Variants in GIN1 observed in about 807,000 individuals in gnomAD.
GIN1 encodes gypsy retrotransposon integrase 1.
Under a neutral mutation model 51.4 loss-of-function variants are expected in GIN1, and 41 were observed. The ratio of observed to expected loss-of-function variants is 0.80; its 90% CI spans 0.62 to 1.04. The LOEUF (loss-of-function observed/expected upper bound fraction) is 1.04. Among genes scored for constraint, GIN1 ranks in the 50% least tolerant of loss-of-function variants. The probability of loss-of-function intolerance (pLI) is 0.00; values close to 1 mark genes in which losing one functional copy is unlikely to be tolerated. For synonymous variants in GIN1, 222 were observed against 206.5 expected, an observed-to-expected ratio of 1.07 and a Z score of -0.64; for missense variants, 610 against 612.4, an observed-to-expected ratio of 1.00 and a Z score of 0.04.
At chr5:103,091,455 A>C (rs1554194523) in intron 7 of GIN1, among the ~76,000 whole-genome samples, 1 of 152,216 alleles carries the variant, frequency 6.6e-6, no homozygotes, top group Non-Finnish European at 1.5e-5. Flanking sequence ...TATCATATTA[A>C]AGGTCTTTTC....
At chr5:103,108,234 A>T (rs40508) in intron 2 of GIN1, among the ~76,000 whole-genome samples, 37,062 of 151,956 alleles carry the variant, frequency 0.24, 5,150 homozygotes, top group East Asian at 0.45. Context: ...ATTAAGCATC[A>T]AAAAAGTTCC....
chr5:103,087,313 A>G lies in GIN1; in HGVS notation c.*585T>C, dbSNP rs957792374. ...TTTAATATATAGTATGAAAATAAAC[A>G]AATTGTTTCCCAACCAATACATAGT... On this transcript the variant is annotated 3_prime_UTR_variant, in exon 8 of 8. Transcript: ENST00000399004. 2.6e-4 allele frequency: 40 copies of G among 152,216 alleles called. No individual in the cohort carries two copies. The highest frequency in any genetic ancestry group is 8.8e-5 in the Non-Finnish European group (6 of 68,040). The allele number at this position is 152,216 out of a possible 1,614,324, so 9.4% of individuals were successfully genotyped here.
At chr5:103,119,581 C>A (rs1554198144) in intron 1 of GIN1, among the ~76,000 whole-genome samples, 1 of 152,144 alleles carries the variant, frequency 6.6e-6, no homozygotes, top group African/African-American at 2.4e-5. Flanking sequence ...AACTACGTGA[C>A]AGGATTCCCT....
rs931284268 is a variant in GIN1, at chr5:103,097,324, G to A, written c.998C>T (p.Ser333Leu). ...ADKIMENKTT[S>L]LGQMENNNLD... ...ATTGAATAGAATCACCTGGCCCAGT[G>A]AAGTTGTCTTATTCTCCATTATTTT... Residue 333 changes from serine to leucine, a missense_variant, in exon 6 of 8, where the codon TCA (serine) becomes TTA (leucine). Coordinates refer to ENST00000399004, the MANE Select transcript of GIN1 (RefSeq NM_017676.2). 2.5e-6 allele frequency: 4 copies of A among 1,582,928 alleles called. No individual in the cohort carries two copies. The highest frequency in any genetic ancestry group is 2.7e-5 in the African/African-American group (2 of 74,168).
chr5:103,106,856 CA>C lies in GIN1; in HGVS notation c.192del (p.Ile64MetfsTer11). On this transcript the variant is annotated frameshift_variant, in exon 3 of 8. Transcript: ENST00000399004. LOFTEE classifies it high-confidence loss of function. ...ACTTTCTTTTTTTCCTCTTCTGAAACAATTACCAAACGATTTTGTTTTCTGT... is the reference window on the plus strand; with the variant it reads ...ACTTTCTTTTTTTCCTCTTCTGAAACATTACCAAACGATTTTGTTTTCTGT... ...GKDRKQNRLV[I>X]VSEEEKKKVL... 1.9e-6 allele frequency: 3 copies of C among 1,595,154 alleles called. No individual in the cohort carries two copies.
chr5:103,087,977 A>G lies in GIN1; in HGVS notation c.1490T>C (p.Ile497Thr), dbSNP rs1554194103. 6.3e-7 allele frequency: 1 copy of G among 1,595,296 alleles called. No homozygotes were observed. The highest frequency in any genetic ancestry group is 2.2e-5 in the East Asian group (1 of 44,640). ...CTTTTCAAGAGAACTATGATCGTCT[A>G]TCAATGGAGAGATTTTCGTATTTCT... ...EYRNTKISPLIDDHSSLEKQT... is the reference protein window; with the variant it reads ...EYRNTKISPLTDDHSSLEKQT... Residue 497 changes from isoleucine to threonine, a missense_variant, in exon 8 of 8, where the codon ATA becomes ACA. Coordinates refer to ENST00000399004, the MANE Select transcript of GIN1 (RefSeq NM_017676.2).
rs1554194065 is a variant in GIN1, at chr5:103,087,887, T to G, written c.*11A>C. 1 of 1,182,690 alleles carries G rather than the reference T, an allele frequency of 8.5e-7. No homozygotes were observed. The highest frequency in any genetic ancestry group is 1.5e-5 in the African/African-American group (1 of 64,878). The allele number at this position is 1,182,690 out of a possible 1,614,324, so 73.3% of individuals were successfully genotyped here. On this transcript the variant is annotated 3_prime_UTR_variant, in exon 8 of 8. Transcript: ENST00000399004. ...TTCTAAACAAACAATTTAAATAAATTTTGGTATTTACTAACTTAAGTATTC... is the reference window on the plus strand; with the variant it reads ...TTCTAAACAAACAATTTAAATAAATGTTGGTATTTACTAACTTAAGTATTC...
chr5:103,094,474 T>C (rs1478282630), intron 7 of GIN1, among the ~76,000 whole-genome samples: 5 of 152,166 alleles, frequency 3.3e-5, no homozygotes, highest in African/African-American at 1.2e-4. Context: ...AATTCAAGTA[T>C]GAGGCAAATA....
At chr5:103,099,762 C>G (rs1191405060) in intron 4 of GIN1, among the ~76,000 whole-genome samples, 3 of 152,156 alleles carry the variant, frequency 2.0e-5, no homozygotes, top group African/African-American at 7.2e-5. Context: ...TATGTTTGTT[C>G]TCTTTCCTTC....
intron 3 of GIN1, 59 bp from the exon 4 acceptor site, chr5:103,104,905 A>C: frequency 1.9e-6 from 2 of 1,026,470 alleles, no homozygotes; most frequent in African/African-American, 1.6e-5. Context: ...ACACAATATA[A>C]AAGCAGTCTT....
chr5:103,109,736 T>C (rs1048646985), intron 1 of GIN1, among the ~76,000 whole-genome samples: 2 of 152,238 alleles, frequency 1.3e-5, no homozygotes, highest in Non-Finnish European at 1.5e-5. Context: ...ATTAAATACA[T>C]GATTTTTTTC....
intron 7 of GIN1, among the ~76,000 whole-genome samples, chr5:103,095,432 T>G (rs180981741): frequency 4.3e-4 from 66 of 152,270 alleles, no homozygotes; most frequent in African/African-American, 1.6e-3. Context: ...CCTTATAGCA[T>G]TCTGAGGATT....
chr5:103,106,780 C>T lies in GIN1; in HGVS notation c.269G>A (p.Arg90Lys). ...NDSGAHHGISRTLTLVESNYY... is the reference protein window; with the variant it reads ...NDSGAHHGISKTLTLVESNYY... ...ATTGGATTCTACCAGAGTGAGGGTC[C>T]TGGATATACCATGATGAGCTCCACT... The change falls in exon 3 of 8, where the codon AGG (arginine) becomes AAG (lysine). Residue 90 changes from arginine (R) to lysine (K), a missense_variant. Physicochemically the swap from Arg to Lys is conservative, Grantham distance 26. Transcript: ENST00000399004. The T allele has an allele frequency of 3.1e-6, 5 of 1,605,528 alleles. No homozygotes were observed. The highest frequency in any genetic ancestry group is 4.3e-6 in the Non-Finnish European group (5 of 1,175,362).
In GIN1 at chr5:103,104,604, T is replaced by C. The variant is rs1554196071; in HGVS notation, c.576A>G (p.Ile192Met). 2 of 1,572,876 alleles carry C rather than the reference T, an allele frequency of 1.3e-6. No homozygotes were observed. Among genetic ancestry groups the C allele is most frequent in the Admixed American group, 1.7e-5 (1 of 59,850 alleles). ...TCTGAGGAGGTCCATATAAGAAAAA[T>C]ATATTGATAATAGCTTTAGAAACTT... ...ASEVSKAIIN[I>M]FFLYGPPQKI... The change falls in exon 4 of 8, where the codon ATA (isoleucine) becomes ATG (methionine). Residue 192 changes from isoleucine (I) to methionine (M), a missense_variant. Transcript: ENST00000399004.
chr5:103,101,410 T>G (rs1787571085), intron 4 of GIN1, among the ~76,000 whole-genome samples: 1 of 152,228 alleles, frequency 6.6e-6, no homozygotes, highest in African/African-American at 2.4e-5. Flanking sequence ...ATTTAATATG[T>G]TTGGACTGCA....
Position 103,087,878 on chromosome 5 carries a change from TA to T in GIN1, c.*19del. 1 of 1,062,496 alleles carries T rather than the reference TA, an allele frequency of 9.4e-7. No homozygotes were observed. Among genetic ancestry groups the T allele is most frequent in the Non-Finnish European group, 1.3e-6 (1 of 742,308 alleles). The allele number at this position is 1,062,496 out of a possible 1,614,324, so 65.8% of individuals were successfully genotyped here. On this transcript the variant is annotated 3_prime_UTR_variant, in exon 8 of 8. Coordinates refer to ENST00000399004, the MANE Select transcript of GIN1 (RefSeq NM_017676.2). ...GAATTTATATTCTAAACAAACAATT[TA>T]AATAAATTTTGGTATTTACTAACTT...
intron 7 of GIN1, among the ~76,000 whole-genome samples, chr5:103,093,824 G>A (rs115919872): frequency 1.3e-3 from 205 of 152,248 alleles, no homozygotes; most frequent in African/African-American, 4.7e-3. Flanking sequence ...TAAATAGTCT[G>A]AAAAAGCGCT....
chr5:103,093,195 G>A (rs545610575), intron 7 of GIN1, among the ~76,000 whole-genome samples: 1 of 152,244 alleles, frequency 6.6e-6, no homozygotes, highest in East Asian at 1.9e-4. Flanking sequence ...CATGGTGAAG[G>A]AGAATTTAGG....
At chr5:103,113,797 C>A (rs1366920505) in intron 1 of GIN1, among the ~76,000 whole-genome samples, 2 of 152,120 alleles carry the variant, frequency 1.3e-5, no homozygotes, top group East Asian at 3.9e-4. Context: ...GCTGGGCTTA[C>A]AGGTGTGAGC....
Sources: allele counts gnomAD v4.1 joint callset (sites outside exome capture counted in the v4.1 genomes callset), GRCh38; gene constraint gnomAD v4.1.1; transcripts MANE v1.5; gene names NCBI Gene and HGNC (gene_info 2026-07-23, HGNC 2026-07-21).